KCNMA1: variants seen among roughly 807,000 people sequenced by gnomAD.
KCNMA1 encodes Calcium-activated potassium channel subunit alpha-1.
In KCNMA1, 29 loss-of-function variants were observed where a neutral mutation model predicts 140.0. The observed-to-expected ratio is 0.21, with a 90% CI of 0.15 to 0.28. The LOEUF (loss-of-function observed/expected upper bound fraction) is 0.28, where lower values mean the gene tolerates loss of function less well. Among genes scored for constraint, KCNMA1 ranks in the 10% least tolerant of loss-of-function variants. The pLI, the probability that KCNMA1 is intolerant of heterozygous loss-of-function variation, is 1.00. For synonymous variants in KCNMA1, 612 were observed against 611.9 expected, an observed-to-expected ratio of 1.00 and a Z score of 0.00; for missense variants, 880 against 1,602.2, an observed-to-expected ratio of 0.55 and a Z score of 7.70.
At chr10:77,201,086 T>G (rs2042295325) in intron 3 of KCNMA1, among the ~76,000 whole-genome samples, 1 of 152,110 alleles carries the variant, frequency 6.6e-6, no homozygotes, top group Non-Finnish European at 1.5e-5. Context: ...TTCTGGGGTG[T>G]GCAGGGGGTA....
intron 9 of KCNMA1, among the ~76,000 whole-genome samples, chr10:77,102,994 C>T (rs1323719919): frequency 6.6e-6 from 1 of 152,090 alleles, no homozygotes; most frequent in East Asian, 1.9e-4. Context: ...ACAGAGAATG[C>T]CTGCCTGCCG....
At chr10:76,952,885 G>T (rs1013858461) in intron 21 of KCNMA1, among the ~76,000 whole-genome samples, 7 of 152,164 alleles carry the variant, frequency 4.6e-5, no homozygotes, top group African/African-American at 1.4e-4. Context: ...CCAATCTGGG[G>T]ATTAGAGGCC....
chr10:76,994,438 T>C (rs769168972), intron 19 of KCNMA1, among the ~76,000 whole-genome samples: 14 of 152,226 alleles, frequency 9.2e-5, no homozygotes, highest in African/African-American at 3.4e-4. Flanking sequence ...ACTACACTAA[T>C]TCTAGTCGTA....
At chr10:77,391,640 GTTTGT>G (rs892429386) in intron 2 of KCNMA1, among the ~76,000 whole-genome samples, 1 of 151,608 alleles carries the variant, frequency 6.6e-6, no homozygotes, top group African/African-American at 2.4e-5. Context: ...TTGTTTGTTT[GTTTGT>G]TTTTTTCTGG....
At chr10:77,545,196 C>T (rs1236864571) in intron 1 of KCNMA1, among the ~76,000 whole-genome samples, 1 of 152,214 alleles carries the variant, frequency 6.6e-6, no homozygotes, top group African/African-American at 2.4e-5. Context: ...ATCCCACAGA[C>T]AACTCCCAAC....
At chr10:77,209,956 G>C (rs953473568) in intron 3 of KCNMA1, among the ~76,000 whole-genome samples, 1 of 146,272 alleles carries the variant, frequency 6.8e-6, no homozygotes. Flanking sequence ...TCCTGGACCA[G>C]ATGGGTTCAC....
Position 77,236,139 on chromosome 10 carries a change from C to T in KCNMA1, c.602+15056G>A, listed in dbSNP as rs183775488. ...CAGTCCCAGTAAAAACTTTGAACTC[C>T]GAGGCCCGGGCGAACTTTCTCGATT... On this transcript the variant is annotated intron_variant, in intron 3 of 27. Transcript: ENST00000286628. Among the ~76,000 whole-genome samples, 51 of 152,192 alleles carry T rather than the reference C, an allele frequency of 3.4e-4. 1 individual carries two copies. The highest frequency in any genetic ancestry group is 1.0e-3 in the Admixed American group (16 of 15,288).
intron 1 of KCNMA1, among the ~76,000 whole-genome samples, chr10:77,558,599 C>A (rs916181850): frequency 3.9e-5 from 6 of 152,128 alleles, no homozygotes; most frequent in Non-Finnish European, 7.4e-5. Flanking sequence ...TGTACACAGA[C>A]CCCTGTGGTG....
chr10:77,162,105 C>T (rs1297124432), intron 5 of KCNMA1, among the ~76,000 whole-genome samples: 1 of 152,132 alleles, frequency 6.6e-6, no homozygotes, highest in Non-Finnish European at 1.5e-5. Context: ...GTTAAAGATA[C>T]TAAATATTGG....
At chr10:77,556,898 A>C (rs1253748826) in intron 1 of KCNMA1, among the ~76,000 whole-genome samples, 1 of 152,226 alleles carries the variant, frequency 6.6e-6, no homozygotes, top group Non-Finnish European at 1.5e-5. Flanking sequence ...TCAAACTGCA[A>C]TGCCTCAAAC....
chr10:77,000,985 T>C (rs1417618459), intron 19 of KCNMA1, among the ~76,000 whole-genome samples: 1 of 150,574 alleles, frequency 6.6e-6, no homozygotes, highest in Non-Finnish European at 1.5e-5. Flanking sequence ...ATGCTAGAGC[T>C]GGCTTGTTCT....
chr10:77,035,432 T>A (rs1052598564), intron 15 of KCNMA1, among the ~76,000 whole-genome samples: 3 of 152,244 alleles, frequency 2.0e-5, no homozygotes, highest in Non-Finnish European at 4.4e-5. Context: ...TAGATCTCTC[T>A]GACGATGGGT....
chr10:77,200,936 C>T (rs16934354), intron 3 of KCNMA1, among the ~76,000 whole-genome samples: 18,417 of 152,214 alleles, frequency 0.12, 1,381 homozygotes, highest in Non-Finnish European at 0.17. Flanking sequence ...AAGCCATCAA[C>T]TTAACTGCCT....
At chr10:77,206,171 T>C (rs2044041369) in intron 3 of KCNMA1, among the ~76,000 whole-genome samples, 1 of 152,308 alleles carries the variant, frequency 6.6e-6, no homozygotes, top group Admixed American at 6.5e-5. Flanking sequence ...TACAAAATAC[T>C]TTTTCTCAGT....
intron 5 of KCNMA1, among the ~76,000 whole-genome samples, chr10:77,123,092 A>G (rs1273294774): frequency 1.4e-5 from 2 of 142,374 alleles, no homozygotes; most frequent in African/African-American, 2.6e-5. Context: ...AGGCAGGAGA[A>G]TGGCGTGTAC....
intron 2 of KCNMA1, among the ~76,000 whole-genome samples, chr10:77,296,918 G>C (rs796954748): frequency 1.4e-5 from 2 of 144,606 alleles, no homozygotes; most frequent in Admixed American, 7.1e-5. Flanking sequence ...TGGGCGGGGG[G>C]GCGGTGGGGG....
intron 2 of KCNMA1, among the ~76,000 whole-genome samples, chr10:77,325,636 C>A (rs768243881): frequency 1.2e-4 from 19 of 152,188 alleles, no homozygotes; most frequent in Non-Finnish European, 2.4e-4. Context: ...CCCATTCCTC[C>A]CTCCACCAAG....
At position 77,306,247 on chromosome 10, in the gene KCNMA1, G is replaced by A. The variant is rs2077686533; in HGVS notation, c.541-54991C>T. 2.6e-5 allele frequency among the ~76,000 whole-genome samples: 4 copies of A among 152,328 alleles called. No individual in the cohort carries two copies. The South Asian group carries it at 8.3e-4, about 32-fold the overall frequency. Reference sequence around the variant, plus strand: ...GCAAGGGTCCCTGAAAGGGAAAGAGGAGACAGACACTAAACAGAAAACTAC... The same window carrying A: ...GCAAGGGTCCCTGAAAGGGAAAGAGAAGACAGACACTAAACAGAAAACTAC... On this transcript the variant is annotated intron_variant, in intron 2 of 27. Coordinates refer to ENST00000286628, the MANE Select transcript of KCNMA1 (RefSeq NM_001161352.2).
chr10:77,504,679 A>G (rs960876203), intron 1 of KCNMA1, among the ~76,000 whole-genome samples: 1 of 152,068 alleles, frequency 6.6e-6, no homozygotes, highest in African/African-American at 2.4e-5. Context: ...ACTATGATGC[A>G]ATGAACTCCT....
Sources: gnomAD v4.1 joint callset for allele counts (sites outside exome capture counted in the v4.1 genomes callset) on GRCh38, gnomAD v4.1.1 for gene constraint, MANE v1.5 for transcripts, NCBI Gene and HGNC (gene_info 2026-07-23, HGNC 2026-07-21) for gene names.